Variants in ANKS1B observed in about 807,000 individuals in gnomAD.
ANKS1B encodes the protein ankyrin repeat and sterile alpha motif domain containing 1B.
A neutral mutation model predicts 148.3 loss-of-function variants in ANKS1B; 36 were observed. That is an observed-to-expected ratio of 0.24 (90% confidence interval 0.19 to 0.32). The LOEUF (loss-of-function observed/expected upper bound fraction) is 0.32. Among genes scored for constraint, ANKS1B ranks in the 10% least tolerant of loss-of-function variants. The probability of loss-of-function intolerance (pLI) is 1.00; values close to 1 mark genes in which losing one functional copy is unlikely to be tolerated. For synonymous variants in ANKS1B, 542 were observed against 560.8 expected, an observed-to-expected ratio of 0.97 and a Z score of 0.47; for missense variants, 1,157 against 1,542.6, an observed-to-expected ratio of 0.75 and a Z score of 4.19.
At chr12:99,637,552 A>G (rs973365176) in intron 9 of ANKS1B, among the ~76,000 whole-genome samples, 1 of 152,138 alleles carries the variant, frequency 6.6e-6, no homozygotes, top group Non-Finnish European at 1.5e-5. Flanking sequence ...GGCAGGCGCA[A>G]TCTAATCAGC....
At chr12:99,660,655 G>A (rs2098472939) in intron 8 of ANKS1B, among the ~76,000 whole-genome samples, 1 of 152,140 alleles carries the variant, frequency 6.6e-6, no homozygotes, top group South Asian at 2.1e-4. Context: ...GGGCCACCGT[G>A]CCTGGCCTAA....
intron 9 of ANKS1B, among the ~76,000 whole-genome samples, chr12:99,527,468 C>T (rs1226513115): frequency 1.3e-5 from 2 of 152,164 alleles, no homozygotes; most frequent in East Asian, 3.9e-4. Flanking sequence ...TGCACAAAGT[C>T]CACCTGGATC....
intron 2 of ANKS1B, among the ~76,000 whole-genome samples, chr12:99,820,620 T>C (rs2082391252): frequency 6.6e-6 from 1 of 151,962 alleles, no homozygotes; most frequent in Non-Finnish European, 1.5e-5. Context: ...CTCTGCTAAG[T>C]GAGAATGCAA....
chr12:99,022,565 C>G (rs2099946416), intron 17 of ANKS1B, among the ~76,000 whole-genome samples: 1 of 152,124 alleles, frequency 6.6e-6, no homozygotes, highest in African/African-American at 2.4e-5. Context: ...TTTCTTTTCA[C>G]TTCCCCGCCG....
chr12:98,791,892 A>G (rs2098867517), intron 22 of ANKS1B, among the ~76,000 whole-genome samples: 1 of 152,248 alleles, frequency 6.6e-6, no homozygotes, highest in African/African-American at 2.4e-5. Context: ...CTAAGAGGAA[A>G]GAGGCTTTTA....
intron 11 of ANKS1B, among the ~76,000 whole-genome samples, chr12:99,435,702 GAAGA>G (rs2095448938): frequency 6.6e-6 from 1 of 152,016 alleles, no homozygotes; most frequent in African/African-American, 2.4e-5. Flanking sequence ...GCATGTGACA[GAAGA>G]AAGGTTGGAA....
Position 99,903,798 on chromosome 12 carries a change from C to T in ANKS1B, c.135-78409G>A, listed in dbSNP as rs115163766. 1.7e-3 allele frequency among the ~76,000 whole-genome samples: 263 copies of T among 151,928 alleles called. 1 individual carries two copies. The highest frequency in any genetic ancestry group is 5.8e-3 in the African/African-American group (239 of 41,400). ...TGAATGTGGTGCAGTGTATACTGCT[C>T]GGGCGATGGGTGCACCAAAACCTCA... On this transcript the variant is annotated intron_variant, in intron 1 of 26. Transcript: ENST00000683438.
chr12:99,143,553 C>T (rs1329035220), intron 15 of ANKS1B, among the ~76,000 whole-genome samples: 2 of 152,034 alleles, frequency 1.3e-5, no homozygotes, highest in Admixed American at 6.6e-5. Flanking sequence ...TATGACAGCT[C>T]ATTACACCAC....
At chr12:99,779,998 G>C in intron 5 of ANKS1B, 26 bp from the exon 6 acceptor site, 1 of 1,462,688 alleles carries the variant, frequency 6.8e-7, no homozygotes, top group Non-Finnish European at 9.5e-7. Flanking sequence ...AAACTCACTA[G>C]ATATACACCA....
chr12:99,249,985 C>A (rs1160265557), intron 12 of ANKS1B, among the ~76,000 whole-genome samples: 1 of 152,126 alleles, frequency 6.6e-6, no homozygotes, highest in East Asian at 1.9e-4. Flanking sequence ...AGACAATTGC[C>A]ATTGAAAGAT....
rs74514464 is a variant in ANKS1B, at chr12:99,840,130, T to C, written c.135-14741A>G. On this transcript the variant is annotated intron_variant, in intron 1 of 26. Transcript: ENST00000683438. ...CAATATACAAATGAATATATAAATA[T>C]ATGAAGCAAGAAGTGGTATCAAGAA... 1.6e-3 allele frequency among the ~76,000 whole-genome samples: 249 copies of C among 152,194 alleles called. 8 individuals carry two copies. In the East Asian group the frequency reaches 0.041, roughly 25 times the overall value.
intron 11 of ANKS1B, among the ~76,000 whole-genome samples, chr12:99,417,639 A>G (rs1473128933): frequency 6.6e-6 from 1 of 152,118 alleles, no homozygotes; most frequent in Non-Finnish European, 1.5e-5. Flanking sequence ...ATTTGGAACA[A>G]TTTACATCTT....
At chr12:99,898,294 T>C (rs912138436) in intron 1 of ANKS1B, among the ~76,000 whole-genome samples, 2 of 152,220 alleles carry the variant, frequency 1.3e-5, no homozygotes, top group South Asian at 2.1e-4. Context: ...TATTTCCCTG[T>C]ACTTCAAATC....
At chr12:99,950,954 T>C (rs2095205746) in intron 1 of ANKS1B, among the ~76,000 whole-genome samples, 2 of 152,204 alleles carry the variant, frequency 1.3e-5, no homozygotes, top group Admixed American at 1.3e-4. Flanking sequence ...GTTTAATCCT[T>C]CCAGGACTTA....
At chr12:99,891,315 AGT>A (rs973740733) in intron 1 of ANKS1B, among the ~76,000 whole-genome samples, 1 of 151,910 alleles carries the variant, frequency 6.6e-6, no homozygotes, top group Non-Finnish European at 1.5e-5. Context: ...AACAATTGAG[AGT>A]GTGTGTGTAT....
intron 9 of ANKS1B, among the ~76,000 whole-genome samples, chr12:99,635,927 C>G (rs2098230588): frequency 6.6e-6 from 1 of 151,846 alleles, no homozygotes; most frequent in Non-Finnish European, 1.5e-5. Flanking sequence ...ATAAATAAAA[C>G]TATACGAAGA....
intron 9 of ANKS1B, among the ~76,000 whole-genome samples, chr12:98,737,164 C>T (rs1217209003): frequency 6.6e-6 from 1 of 152,212 alleles, no homozygotes; most frequent in Non-Finnish European, 1.5e-5. Context: ...CCCCAGCTGC[C>T]ATCTCTGCCT....
chr12:99,658,395 A>G (rs2098460301), intron 8 of ANKS1B, among the ~76,000 whole-genome samples: 1 of 152,132 alleles, frequency 6.6e-6, no homozygotes, highest in East Asian at 1.9e-4. Flanking sequence ...TATCATGTTT[A>G]TTATTTTCTT....
intron 10 of ANKS1B, among the ~76,000 whole-genome samples, chr12:99,455,240 C>G (rs2152834608): frequency 6.6e-6 from 1 of 152,260 alleles, no homozygotes. Flanking sequence ...AGAACCCCTA[C>G]TAAGTAGCCA....
Sources: gnomAD v4.1 joint callset for allele counts (sites outside exome capture counted in the v4.1 genomes callset) on GRCh38, gnomAD v4.1.1 for gene constraint, MANE v1.5 for transcripts, NCBI Gene and HGNC (gene_info 2026-07-23, HGNC 2026-07-21) for gene names.